Variants in ADAM32 observed in about 807,000 individuals in gnomAD.
ADAM32 encodes the protein ADAM metallopeptidase domain 32.
Under a neutral mutation model 114.9 loss-of-function variants are expected in ADAM32, and 89 were observed. That is an observed-to-expected ratio of 0.77 (90% CI 0.65 to 0.92). The LOEUF (loss-of-function observed/expected upper bound fraction) is 0.92. Ranked by LOEUF, ADAM32 falls within the 40% of genes least tolerant of loss-of-function variation. ADAM32 has a pLI of 0.00. For synonymous variants in ADAM32, 285 were observed against 307.5 expected (o/e 0.93, Z 0.77); for missense variants, 870 against 932.8 (o/e 0.93, Z 0.88).
chr8:39,170,960 A>G (rs1250335694), intron 10 of ADAM32, among the ~76,000 whole-genome samples: 1 of 152,050 alleles, frequency 6.6e-6, no homozygotes, highest in African/African-American at 2.4e-5. Flanking sequence ...ATTTTGACAG[A>G]GTCTTGCTTT....
At chr8:39,262,102 T>C (rs1812068418) in intron 19 of ADAM32, among the ~76,000 whole-genome samples, 1 of 152,166 alleles carries the variant, frequency 6.6e-6, no homozygotes, top group African/African-American at 2.4e-5. Context: ...GTCTTATTTA[T>C]AAAATCTTTT....
intron 6 of ADAM32, among the ~76,000 whole-genome samples, chr8:39,156,061 T>C (rs1804131412): frequency 6.6e-6 from 1 of 152,186 alleles, no homozygotes; most frequent in Admixed American, 6.5e-5. Context: ...AGTAATACAA[T>C]AGCTTAATAA....
intron 2 of ADAM32, among the ~76,000 whole-genome samples, chr8:39,118,595 T>C (rs1182918911): frequency 2.6e-5 from 4 of 152,174 alleles, no homozygotes; most frequent in Non-Finnish European, 5.9e-5. Context: ...AAATACTTTA[T>C]TTTGTTCATT....
At chr8:39,172,204 A>T (rs1183313077) in intron 10 of ADAM32, among the ~76,000 whole-genome samples, 1 of 152,180 alleles carries the variant, frequency 6.6e-6, no homozygotes, top group African/African-American at 2.4e-5. Flanking sequence ...GCCACAGAAA[A>T]TGAAATCCCA....
chr8:39,217,301 G>A (rs918605167), intron 12 of ADAM32, among the ~76,000 whole-genome samples: 1 of 151,664 alleles, frequency 6.6e-6, no homozygotes, highest in Non-Finnish European at 1.5e-5. Flanking sequence ...CTTTATCTTC[G>A]ACCTTTAGGA....
Position 39,275,816 on chromosome 8 carries a change from G to A in ADAM32, c.2241-12G>A, listed in dbSNP as rs900182353. The A allele has an allele frequency of 2.2e-5, 34 of 1,550,146 alleles. No individual in the cohort carries two copies. Among genetic ancestry groups the A allele is most frequent in the Non-Finnish European group, 2.9e-5 (33 of 1,146,486 alleles). On this transcript the variant is annotated splice_polypyrimidine_tract_variant and intron_variant, in intron 21 of 24. Transcript: ENST00000379907. ...ATTAACGTGGAAGCATTACTTTTTCGCTTTCTTTTAGAACCAGATCAGAAA... is the reference window on the plus strand; with the variant it reads ...ATTAACGTGGAAGCATTACTTTTTCACTTTCTTTTAGAACCAGATCAGAAA...
chr8:39,177,671 T>C lies in ADAM32; in HGVS notation c.915+7674T>C, dbSNP rs370267069. 7.9e-5 allele frequency among the ~76,000 whole-genome samples: 12 copies of C among 152,338 alleles called. No individual in the cohort carries two copies. In the East Asian group the frequency reaches 2.1e-3, roughly 27 times the overall value. ...AATTGTTTTTCATTTCCATATTTAATGCTTCCTTCAGGAGCTCTTGTAAGG... is the reference window on the plus strand; with the variant it reads ...AATTGTTTTTCATTTCCATATTTAACGCTTCCTTCAGGAGCTCTTGTAAGG... On this transcript the variant is annotated intron_variant, in intron 10 of 24. Coordinates refer to ENST00000379907, the MANE Select transcript of ADAM32 (RefSeq NM_145004.7).
At chr8:39,134,375 C>T (rs1802654332) in intron 2 of ADAM32, among the ~76,000 whole-genome samples, 1 of 152,042 alleles carries the variant, frequency 6.6e-6, no homozygotes, top group African/African-American at 2.4e-5. Flanking sequence ...GCAGAGCATT[C>T]GTGGTGGGAC....
chr8:39,208,214 C>T (rs1807974362), intron 11 of ADAM32, among the ~76,000 whole-genome samples: 1 of 152,098 alleles, frequency 6.6e-6, no homozygotes, highest in Non-Finnish European at 1.5e-5. Flanking sequence ...CCTTTATCCT[C>T]ATCTTTTATA....
At chr8:39,224,392 C>T (rs55759907) in intron 14 of ADAM32, among the ~76,000 whole-genome samples, 33,599 of 151,964 alleles carry the variant, frequency 0.22, 4,160 homozygotes, top group Non-Finnish European at 0.27. Flanking sequence ...TTCCCACTGA[C>T]AGTGTATGAG....
chr8:39,281,215 G>A (rs1008423311), intron 23 of ADAM32, 41 bp downstream of exon 23: 2 of 1,202,694 alleles, frequency 1.7e-6, no homozygotes, highest in Non-Finnish European at 2.2e-6. Flanking sequence ...TAAGTATGTT[G>A]AAAATTCAGA....
At chr8:39,226,862 A>T (rs1017195529) in intron 14 of ADAM32, among the ~76,000 whole-genome samples, 2 of 152,248 alleles carry the variant, frequency 1.3e-5, no homozygotes, top group Non-Finnish European at 2.9e-5. Flanking sequence ...ATATAGTCAA[A>T]TTCAGAATAC....
chr8:39,258,363 A>T (rs1811794679), intron 19 of ADAM32, among the ~76,000 whole-genome samples: 1 of 148,628 alleles, frequency 6.7e-6, no homozygotes, highest in African/African-American at 2.6e-5. Flanking sequence ...TTTCTAAAAT[A>T]AGAAATACTT....
At chr8:39,110,065 TTTAC>T (rs752180349) in intron 1 of ADAM32, among the ~76,000 whole-genome samples, 1 of 152,082 alleles carries the variant, frequency 6.6e-6, no homozygotes, top group Non-Finnish European at 1.5e-5. Context: ...TGATAGCTTA[TTTAC>T]TTACTTAATT....
chr8:39,250,109 TTG>T (rs1157765463), intron 17 of ADAM32, among the ~76,000 whole-genome samples: 2 of 152,080 alleles, frequency 1.3e-5, no homozygotes, highest in East Asian at 3.8e-4. Flanking sequence ...GATCTGTGAT[TTG>T]TTGTGAGACA....
chr8:39,108,031 C>A, intron 1 of ADAM32, 198 bp downstream of exon 1: 1 of 680,194 alleles, frequency 1.5e-6, no homozygotes, highest in Non-Finnish European at 2.2e-6. Context: ...CGCCTGTAAT[C>A]CCAGGGCTTT....
chr8:39,203,444 G>A (rs1014548971), intron 11 of ADAM32, among the ~76,000 whole-genome samples: 3 of 152,116 alleles, frequency 2.0e-5, no homozygotes, highest in Non-Finnish European at 1.5e-5. Context: ...TCAGAGACTA[G>A]GATCGCAACC....
At chr8:39,200,309 C>G (rs1807312025) in intron 11 of ADAM32, among the ~76,000 whole-genome samples, 1 of 152,172 alleles carries the variant, frequency 6.6e-6, no homozygotes, top group Non-Finnish European at 1.5e-5. Context: ...TTAATGATTG[C>G]CATTCTAACT....
chr8:39,155,329 A>G (rs995656987), intron 6 of ADAM32, among the ~76,000 whole-genome samples: 1 of 152,230 alleles, frequency 6.6e-6, no homozygotes, highest in African/African-American at 2.4e-5. Context: ...ATTGTAATTT[A>G]TGGTAATCTG....
Sources: gnomAD v4.1 joint callset for allele counts (sites outside exome capture counted in the v4.1 genomes callset) on GRCh38, gnomAD v4.1.1 for gene constraint, MANE v1.5 for transcripts, NCBI Gene and HGNC (gene_info 2026-07-23, HGNC 2026-07-21) for gene names.